Variants in CADM2 observed in about 807,000 individuals in gnomAD.
CADM2 encodes the protein immunoglobulin superfamily member 4D.
In CADM2, 12 loss-of-function variants were observed where a neutral mutation model predicts 49.8. The observed-to-expected ratio is 0.24, with a 90% CI of 0.15 to 0.39. The LOEUF (loss-of-function observed/expected upper bound fraction) is 0.39, where lower values mean the gene tolerates loss of function less well. CADM2 is among the 10% of genes least tolerant of loss of function. The pLI is 1.00. For missense variants in CADM2, 378 were observed against 492.3 expected (o/e 0.77, Z 2.20); for synonymous variants, 214 against 175.4 (o/e 1.22, Z -1.74).
At chr3:85,278,297 T>C (rs2043409603) in intron 1 of CADM2, among the ~76,000 whole-genome samples, 1 of 151,412 alleles carries the variant, frequency 6.6e-6, no homozygotes, top group Non-Finnish European at 1.5e-5. Context: ...TATTCTCCCA[T>C]TCCCAGTCCC....
intron 1 of CADM2, among the ~76,000 whole-genome samples, chr3:85,644,417 A>G (rs1057491448): frequency 1.3e-5 from 2 of 152,142 alleles, no homozygotes; most frequent in Non-Finnish European, 2.9e-5. Context: ...CAGCATATGA[A>G]TAGTGGTGGA....
At chr3:85,831,496 A>AT in intron 3 of CADM2, among the ~76,000 whole-genome samples, 1 of 151,984 alleles carries the variant, frequency 6.6e-6, no homozygotes, top group African/African-American at 2.4e-5. Context: ...AGAATCTGTT[A>AT]TTTTTTGACT....
At chr3:85,575,982 GTAA>G (rs1174522369) in intron 1 of CADM2, among the ~76,000 whole-genome samples, 1 of 152,014 alleles carries the variant, frequency 6.6e-6, no homozygotes, top group African/African-American at 2.4e-5. Flanking sequence ...CATAACAGAG[GTAA>G]TAATAGTATT....
intron 1 of CADM2, among the ~76,000 whole-genome samples, chr3:85,421,514 T>A (rs2036171376): frequency 6.6e-6 from 1 of 152,194 alleles, no homozygotes; most frequent in Admixed American, 6.5e-5. Flanking sequence ...CATATGAAGT[T>A]GAGTGTTGAT....
At chr3:85,895,374 G>A (rs1407793711) in intron 5 of CADM2, among the ~76,000 whole-genome samples, 3 of 152,122 alleles carry the variant, frequency 2.0e-5, no homozygotes, top group Non-Finnish European at 4.4e-5. Flanking sequence ...CCTTCATTTT[G>A]GCCAATTTCT....
chr3:85,528,248 C>T (rs947386455), intron 1 of CADM2, among the ~76,000 whole-genome samples: 1 of 152,050 alleles, frequency 6.6e-6, no homozygotes, highest in Non-Finnish European at 1.5e-5. Context: ...CTCTGCTTAC[C>T]TATGTGGTTT....
intron 8 of CADM2, chr3:86,013,370 A>G (rs1462496244): frequency 6.5e-7 from 1 of 1,540,308 alleles, no homozygotes; most frequent in Admixed American, 1.7e-5. Context: ...TTCTGATGGG[A>G]AAGCAAAATA....
intron 1 of CADM2, among the ~76,000 whole-genome samples, chr3:85,363,434 C>A (rs1489588300): frequency 6.6e-6 from 1 of 151,930 alleles, no homozygotes; most frequent in Non-Finnish European, 1.5e-5. Context: ...TTGAGCTGAG[C>A]TAAAATTAAA....
chr3:85,611,249 G>GT lies in CADM2; in HGVS notation c.62-115262dup, dbSNP rs5850702. 2.2e-3 allele frequency among the ~76,000 whole-genome samples: 327 copies of GT among 149,508 alleles called. 2 individuals carry two copies. Among genetic ancestry groups the GT allele is most frequent in the African/African-American group, 5.6e-3 (225 of 40,534 alleles). On this transcript the variant is annotated intron_variant, in intron 1 of 9. Transcript: ENST00000383699. ...ATCATTAGTCATGTATACTGCAAATGTTTTTTTTTTTCTGTGAAAGCATAC... is the reference window on the plus strand; with the variant it reads ...ATCATTAGTCATGTATACTGCAAATGTTTTTTTTTTTTCTGTGAAAGCATAC...
At chr3:85,751,264 C>T (rs1255535686) in intron 2 of CADM2, among the ~76,000 whole-genome samples, 1 of 152,098 alleles carries the variant, frequency 6.6e-6, no homozygotes, top group Non-Finnish European at 1.5e-5. Context: ...CTACCTATGT[C>T]TGAACATGAA....
chr3:85,203,689 T>C (rs762590652), intron 1 of CADM2, among the ~76,000 whole-genome samples: 6 of 152,238 alleles, frequency 3.9e-5, no homozygotes, highest in African/African-American at 9.6e-5. Flanking sequence ...TAAAAAGCCA[T>C]GCAGTATCTG....
intron 1 of CADM2, among the ~76,000 whole-genome samples, chr3:85,273,530 G>A (rs548476168): frequency 6.6e-6 from 1 of 151,360 alleles, no homozygotes; most frequent in African/African-American, 2.4e-5. Flanking sequence ...GCTGCAATAG[G>A]ATTTGCCAAT....
chr3:85,935,069 T>C (rs1398890324), intron 6 of CADM2, among the ~76,000 whole-genome samples: 2 of 152,116 alleles, frequency 1.3e-5, no homozygotes, highest in African/African-American at 2.4e-5. Flanking sequence ...GTCATTCAAG[T>C]TATACATATA....
chr3:85,639,366 G>A (rs765465720), intron 1 of CADM2, among the ~76,000 whole-genome samples: 1 of 152,132 alleles, frequency 6.6e-6, no homozygotes, highest in African/African-American at 2.4e-5. Context: ...CTATGCTCCC[G>A]TGTTTACTGT....
chr3:85,569,704 AAAAAAAAAAAG>A (rs1478574810), intron 1 of CADM2, among the ~76,000 whole-genome samples: 2 of 132,570 alleles, frequency 1.5e-5, no homozygotes, highest in South Asian at 2.3e-4. Flanking sequence ...CTAATGGCAA[AAAAAAAAAAAG>A]AAAAAAAAAA....
chr3:85,418,545 G>A (rs2053107), intron 1 of CADM2, among the ~76,000 whole-genome samples: 3,159 of 152,030 alleles, frequency 0.021, 107 homozygotes, highest in African/African-American at 0.072. Flanking sequence ...TTCATCCAAC[G>A]ATTAATGAAT....
intron 1 of CADM2, among the ~76,000 whole-genome samples, chr3:85,021,685 G>A (rs967041322): frequency 1.1e-4 from 16 of 152,102 alleles, no homozygotes; most frequent in South Asian, 8.3e-4. Context: ...TGAGGCAGGA[G>A]AATCGCTTGA....
intron 1 of CADM2, among the ~76,000 whole-genome samples, chr3:85,158,315 A>T (rs1260860768): frequency 6.6e-6 from 1 of 152,322 alleles, no homozygotes; most frequent in East Asian, 1.9e-4. Context: ...TAGAAATGCC[A>T]TTTGACCCAG....
intron 1 of CADM2, among the ~76,000 whole-genome samples, chr3:85,348,380 A>G (rs764265638): frequency 3.4e-4 from 51 of 152,224 alleles, no homozygotes; most frequent in Non-Finnish European, 5.7e-4. Flanking sequence ...GCTTTTACAG[A>G]AACACTAAGA....
Sources: gnomAD v4.1 joint callset for allele counts (sites outside exome capture counted in the v4.1 genomes callset) on GRCh38, gnomAD v4.1.1 for gene constraint, MANE v1.5 for transcripts, NCBI Gene and HGNC (gene_info 2026-07-23, HGNC 2026-07-21) for gene names.